Variants in ERC2 observed in about 807,000 individuals in gnomAD.
ERC2 encodes the protein ERC protein 2.
In ERC2, 42 loss-of-function variants were observed where a neutral mutation model predicts 114.8. That is an observed-to-expected ratio of 0.37 (90% CI 0.29 to 0.47). The LOEUF (loss-of-function observed/expected upper bound fraction) is 0.47. ERC2 is among the 20% of genes least tolerant of loss of function. The pLI, the probability that ERC2 is intolerant of heterozygous loss-of-function variation, is 0.99. For missense variants in ERC2, 939 were observed against 1,150.7 expected (o/e 0.82, Z 2.66); for synonymous variants, 454 against 425.5 (o/e 1.07, Z -0.82).
intron 2 of ERC2, 46 bp from the exon 3 acceptor site, chr3:56,296,481 A>C: frequency 1.9e-6 from 3 of 1,548,944 alleles, no homozygotes; most frequent in Non-Finnish European, 2.6e-6. Context: ...AAGGAAAAAA[A>C]GTCAATGAAA....
chr3:55,814,424 C>T (rs1303293371), intron 14 of ERC2, among the ~76,000 whole-genome samples: 2 of 152,218 alleles, frequency 1.3e-5, no homozygotes, highest in African/African-American at 4.8e-5. Flanking sequence ...AGATTTCCTG[C>T]TGCCAACTCG....
At chr3:55,689,708 G>A (rs754166729) in intron 16 of ERC2, among the ~76,000 whole-genome samples, 16 of 151,530 alleles carry the variant, frequency 1.1e-4, no homozygotes, top group Admixed American at 3.9e-4. Flanking sequence ...CAGGAGAATC[G>A]CTTGAACCTG....
intron 12 of ERC2, among the ~76,000 whole-genome samples, chr3:55,983,885 T>G (rs2070363500): frequency 6.6e-6 from 1 of 152,196 alleles, no homozygotes; most frequent in Non-Finnish European, 1.5e-5. Flanking sequence ...ATTATTACAT[T>G]TTATCTTATT....
chr3:55,898,801 T>G (rs1445480820), intron 13 of ERC2, among the ~76,000 whole-genome samples: 1 of 152,336 alleles, frequency 6.6e-6, no homozygotes, highest in Middle Eastern at 3.4e-3. Flanking sequence ...AGAAACCCGC[T>G]TTGTAACAAA....
intron 7 of ERC2, among the ~76,000 whole-genome samples, chr3:56,070,915 C>T (rs892954824): frequency 5.9e-5 from 9 of 152,292 alleles, no homozygotes; most frequent in Middle Eastern, 3.4e-3. Context: ...TGGACCACTA[C>T]TCCTAGCCCC....
chr3:56,346,163 T>C (rs1170569233), intron 2 of ERC2, among the ~76,000 whole-genome samples: 1 of 152,160 alleles, frequency 6.6e-6, no homozygotes, highest in Non-Finnish European at 1.5e-5. Flanking sequence ...AGTGTAACAC[T>C]TTGAATAAAA....
At chr3:55,686,817 C>G (rs2062358917) in intron 16 of ERC2, among the ~76,000 whole-genome samples, 1 of 152,064 alleles carries the variant, frequency 6.6e-6, no homozygotes, top group Admixed American at 6.6e-5. Flanking sequence ...CTTGTGTGTC[C>G]TTTGTGAGTG....
At position 55,513,124 on chromosome 3, in the gene ERC2, T is replaced by C. The variant is rs1203102810; in HGVS notation, c.*40-1848A>G. Reference sequence around the variant, plus strand: ...CCAGCTTCCTCTTACAGCACCCAACTCTGCGCTTTCAACGCAGCAGCCAAC... The same window carrying C: ...CCAGCTTCCTCTTACAGCACCCAACCCTGCGCTTTCAACGCAGCAGCCAAC... On this transcript the variant is annotated intron_variant, in intron 17 of 17. Coordinates refer to ENST00000288221, the MANE Select transcript of ERC2 (RefSeq NM_015576.3). Among the ~76,000 whole-genome samples, 6 of 152,188 alleles carry C rather than the reference T, an allele frequency of 3.9e-5. No homozygotes were observed. The South Asian group carries it at 1.2e-3, about 32-fold the overall frequency.
intron 2 of ERC2, among the ~76,000 whole-genome samples, chr3:56,349,506 G>A (rs1197633212): frequency 6.6e-6 from 1 of 152,190 alleles, no homozygotes; most frequent in Non-Finnish European, 1.5e-5. Context: ...CAGCCTCAGA[G>A]CAAACTCCAA....
intron 2 of ERC2, among the ~76,000 whole-genome samples, chr3:56,390,625 T>C (rs1270286752): frequency 6.6e-6 from 1 of 152,162 alleles, no homozygotes; most frequent in African/African-American, 2.4e-5. Flanking sequence ...GGGCTATCTA[T>C]AAATACAATA....
intron 3 of ERC2, among the ~76,000 whole-genome samples, chr3:56,194,042 T>A (rs1159109106): frequency 6.6e-6 from 1 of 152,186 alleles, no homozygotes; most frequent in Non-Finnish European, 1.5e-5. Context: ...ATTCATTGCT[T>A]TAGTGTCTAC....
At chr3:55,933,523 T>G (rs947021514) in intron 13 of ERC2, among the ~76,000 whole-genome samples, 1 of 152,232 alleles carries the variant, frequency 6.6e-6, no homozygotes, top group Non-Finnish European at 1.5e-5. Context: ...AAATTTGTGT[T>G]TAGCTTGGTT....
At chr3:55,903,978 G>T (rs771012344) in intron 13 of ERC2, among the ~76,000 whole-genome samples, 12 of 152,238 alleles carry the variant, frequency 7.9e-5, no homozygotes, top group Non-Finnish European at 1.5e-4. Flanking sequence ...CTTGCCAAGA[G>T]CAGAGGCTTA....
Position 55,900,786 on chromosome 3 carries a change from G to A in ERC2, c.2404-12237C>T, listed in dbSNP as rs578116273. Among the ~76,000 whole-genome samples the A allele has an allele frequency of 3.9e-5, 6 of 152,302 alleles. No homozygotes were observed. The South Asian group carries it at 1.2e-3, about 32-fold the overall frequency. On this transcript the variant is annotated intron_variant, in intron 13 of 17. Coordinates refer to ENST00000288221, the MANE Select transcript of ERC2 (RefSeq NM_015576.3). ...CAGTAGATAGTCAACAGATGTGGGA[G>A]GGAGGTTGGAAGGGAGAAAAGAAGA...
chr3:55,550,412 A>G (rs1167622959), intron 17 of ERC2, among the ~76,000 whole-genome samples: 2 of 152,192 alleles, frequency 1.3e-5, no homozygotes, highest in African/African-American at 2.4e-5. Flanking sequence ...TTTGTATTCA[A>G]TGTCACAACT....
At chr3:56,184,781 C>T (rs2083489039) in intron 3 of ERC2, among the ~76,000 whole-genome samples, 1 of 152,128 alleles carries the variant, frequency 6.6e-6, no homozygotes, top group South Asian at 2.1e-4. Flanking sequence ...TCTCAGTTCC[C>T]TGATAGAACC....
In ERC2 at chr3:55,988,981, G is replaced by A. The variant is rs145716102; in HGVS notation, c.2256-2993C>T. ...TGCTTCAGAAAGGCAGGCCAAGGCT[G>A]AGCCCTTTTTTTCCCAAGAAACTTC... On this transcript the variant is annotated intron_variant, in intron 11 of 17. Transcript: ENST00000288221. Among the ~76,000 whole-genome samples the A allele has an allele frequency of 2.7e-3, 406 of 152,328 alleles. 5 individuals carry two copies. The highest frequency in any genetic ancestry group is 9.2e-3 in the African/African-American group (384 of 41,574).
chr3:55,600,878 G>A (rs1476848760), intron 17 of ERC2, among the ~76,000 whole-genome samples: 1 of 152,266 alleles, frequency 6.6e-6, no homozygotes, highest in African/African-American at 2.4e-5. Context: ...GGCAGCCTGG[G>A]TGATGAGCTG....
chr3:56,332,405 C>A (rs2057666583), intron 2 of ERC2, among the ~76,000 whole-genome samples: 1 of 152,118 alleles, frequency 6.6e-6, no homozygotes, highest in South Asian at 2.1e-4. Flanking sequence ...TGCATTTACT[C>A]CTATCAGTTC....
Sources: gnomAD v4.1 joint callset for allele counts (sites outside exome capture counted in the v4.1 genomes callset) on GRCh38, gnomAD v4.1.1 for gene constraint, MANE v1.5 for transcripts, NCBI Gene and HGNC (gene_info 2026-07-23, HGNC 2026-07-21) for gene names.